ACER3: variants seen among roughly 807,000 people sequenced by gnomAD.
ACER3 encodes the protein alkaline ceramidase 3, also known as alkCDase 3.
ACER3 carries 16 observed loss-of-function variants against 48.9 expected under a neutral mutation model. The ratio of observed to expected loss-of-function variants is 0.33; its 90% CI spans 0.22 to 0.50. The LOEUF (loss-of-function observed/expected upper bound fraction) is 0.50, where lower values mean the gene tolerates loss of function less well. ACER3 is among the 20% of genes least tolerant of loss of function. The pLI is 0.98. For synonymous variants in ACER3, 109 were observed against 107.8 expected (o/e 1.01, Z -0.07); for missense variants, 227 against 326.0 (o/e 0.70, Z 2.34).
intron 7 of ACER3, among the ~76,000 whole-genome samples, chr11:77,008,273 C>T (rs1190564476): frequency 6.6e-6 from 1 of 152,140 alleles, no homozygotes; most frequent in African/African-American, 2.4e-5. Flanking sequence ...AAGCCCAAGT[C>T]CCAGTTTATT....
intron 2 of ACER3, among the ~76,000 whole-genome samples, chr11:76,956,792 T>C (rs1045129487): frequency 6.6e-6 from 1 of 151,988 alleles, no homozygotes; most frequent in African/African-American, 2.4e-5. Flanking sequence ...TTGTACCTTC[T>C]AATTACTTTT....
intron 2 of ACER3, among the ~76,000 whole-genome samples, chr11:76,955,872 G>T (rs1947827037): frequency 6.6e-6 from 1 of 152,162 alleles, no homozygotes; most frequent in Non-Finnish European, 1.5e-5. Context: ...CCATAAAAAG[G>T]ATGAATCACT....
chr11:77,011,368 T>A (rs2135311587), intron 7 of ACER3: 1 of 985,482 alleles, frequency 1.0e-6, no homozygotes, highest in African/African-American at 1.7e-5. Flanking sequence ...AGCTGAAGAT[T>A]GGCCATGGTA....
At chr11:77,012,135 G>T (rs1276847172) in intron 7 of ACER3, among the ~76,000 whole-genome samples, 4 of 152,080 alleles carry the variant, frequency 2.6e-5, no homozygotes, top group African/African-American at 9.7e-5. Context: ...AAAGCCGTTA[G>T]AGAGCCAGGC....
chr11:77,022,671 C>G lies in ACER3; in HGVS notation c.*2344C>G, dbSNP rs150517190. On this transcript the variant is annotated 3_prime_UTR_variant, in exon 11 of 11. Transcript: ENST00000532485. ...TACAGAGTTGAATTCCTCACTACCC[C>G]CTCCCGCTGTCATTTGTTTTATTGG... is the stretch of plus-strand genomic sequence containing the variant. 7.3e-3 allele frequency: 1,130 copies of G among 153,746 alleles called. 2 individuals carry two copies. Among genetic ancestry groups the G allele is most frequent in the Non-Finnish European group, 0.011 (788 of 69,168 alleles). 9.5% of individuals were successfully genotyped at this position (153,746 alleles called of 1,614,324 possible).
At chr11:76,894,395 C>G (rs1218142424) in intron 1 of ACER3, among the ~76,000 whole-genome samples, 1 of 152,214 alleles carries the variant, frequency 6.6e-6, no homozygotes, top group African/African-American at 2.4e-5. Context: ...CTTAAACTCT[C>G]AAATTTACTG....
rs34934546 is a variant in ACER3 at position 77,007,114 on chromosome 11, G to GAA, written c.498-7889_498-7888dup. ...GCAACAGAGCAAGACCCTGTCTCTTGAAAAAAAAAAAAAACTTTAAAAAAA... is the reference window on the plus strand; with the variant it reads ...GCAACAGAGCAAGACCCTGTCTCTTGAAAAAAAAAAAAAAAACTTTAAAAAAA... On this transcript the variant is annotated intron_variant, in intron 7 of 10. Transcript: ENST00000532485. Among the ~76,000 whole-genome samples the GAA allele has an allele frequency of 5.6e-3, 800 of 141,728 alleles. 14 individuals carry two copies. The East Asian group carries it at 0.071, about 13-fold the overall frequency. The allele number at this position is 141,728 out of a possible 152,430, so 93.0% of individuals were successfully genotyped here.
intron 1 of ACER3, among the ~76,000 whole-genome samples, chr11:76,866,007 G>A (rs1200082748): frequency 6.9e-6 from 1 of 145,066 alleles, no homozygotes; most frequent in Non-Finnish European, 1.5e-5. Context: ...TTTTTTTTTG[G>A]TAGAGATGGG....
At chr11:76,956,876 C>T (rs1330872464) in intron 2 of ACER3, among the ~76,000 whole-genome samples, 1 of 151,870 alleles carries the variant, frequency 6.6e-6, no homozygotes, top group Non-Finnish European at 1.5e-5. Flanking sequence ...ATCTTATTTC[C>T]CTCCTTTCAT....
chr11:76,862,647 AT>A (rs59836966), intron 1 of ACER3, among the ~76,000 whole-genome samples: 2,266 of 151,978 alleles, frequency 0.015, 63 homozygotes, highest in East Asian at 0.12. Context: ...ATATAGAATA[AT>A]TTTTTTTTAA....
chr11:76,894,177 G>A (rs1360044636), intron 1 of ACER3, among the ~76,000 whole-genome samples: 6 of 152,182 alleles, frequency 3.9e-5, no homozygotes, highest in Non-Finnish European at 8.8e-5. Flanking sequence ...TACTCAGGAG[G>A]CTGAGGTAGG....
chr11:76,907,637 A>G lies in ACER3; in HGVS notation c.104-18920A>G, dbSNP rs1405856392. On this transcript the variant is annotated intron_variant, in intron 1 of 10. Coordinates refer to ENST00000532485, the MANE Select transcript of ACER3 (RefSeq NM_018367.7). ...TGTAATCCCAGTGCTTTGGGAGGCC[A>G]ATGTAGGTGGATCACTTGAGGCAGG... Among the ~76,000 whole-genome samples, 6 of 152,124 alleles carry G rather than the reference A, an allele frequency of 3.9e-5. No individual in the cohort carries two copies. In the East Asian group the frequency reaches 1.2e-3, roughly 29 times the overall value.
intron 4 of ACER3, chr11:76,978,492 T>C (rs1948500974): frequency 6.6e-6 from 1 of 152,272 alleles, no homozygotes; most frequent in Admixed American, 6.5e-5. Context: ...AGCCACCCAC[T>C]TTGGGTCTCC....
chr11:77,005,616 C>G (rs1949119070), intron 7 of ACER3, among the ~76,000 whole-genome samples: 1 of 151,996 alleles, frequency 6.6e-6, no homozygotes, highest in Admixed American at 6.6e-5. Context: ...TTCCTAGCTT[C>G]TAGTAGTTTG....
At chr11:76,960,799 A>G (rs1947970240) in intron 3 of ACER3, among the ~76,000 whole-genome samples, 1 of 152,184 alleles carries the variant, frequency 6.6e-6, no homozygotes, top group Admixed American at 6.5e-5. Flanking sequence ...ACCAGGGTTG[A>G]AAAGGTATCC....
chr11:77,018,731 T>C (rs782346245), intron 9 of ACER3, among the ~76,000 whole-genome samples: 8 of 152,234 alleles, frequency 5.3e-5, no homozygotes, highest in Non-Finnish European at 1.2e-4. Context: ...AACCACAACA[T>C]TGCCTTAAGC....
At chr11:77,008,899 G>T (rs1949207401) in intron 7 of ACER3, among the ~76,000 whole-genome samples, 1 of 151,954 alleles carries the variant, frequency 6.6e-6, no homozygotes, top group Non-Finnish European at 1.5e-5. Context: ...TATACAAAAA[G>T]AAATTTAAAA....
chr11:76,944,099 A>T (rs1196028312), intron 2 of ACER3, among the ~76,000 whole-genome samples: 1 of 151,996 alleles, frequency 6.6e-6, no homozygotes, highest in Non-Finnish European at 1.5e-5. Flanking sequence ...CATGCTTTCT[A>T]AAATCCATTC....
chr11:76,915,581 G>C (rs1197599081), intron 1 of ACER3, among the ~76,000 whole-genome samples: 2 of 152,188 alleles, frequency 1.3e-5, no homozygotes, highest in African/African-American at 2.4e-5. Context: ...TCTAGTGGGT[G>C]GGGGGAGAGC....
Sources: gnomAD v4.1 joint callset for allele counts (sites outside exome capture counted in the v4.1 genomes callset) on GRCh38, gnomAD v4.1.1 for gene constraint, MANE v1.5 for transcripts, NCBI Gene and HGNC (gene_info 2026-07-23, HGNC 2026-07-21) for gene names.